PACRG: variants seen among roughly 807,000 people sequenced by gnomAD.
PACRG encodes parkin coregulated, also known as parkin coregulated gene protein.
PACRG carries 29 observed loss-of-function variants against 29.7 expected under a neutral mutation model. The ratio of observed to expected loss-of-function variants is 0.98; its 90% CI spans 0.73 to 1.33. PACRG has a LOEUF of 1.33. Ranked by LOEUF, PACRG falls within the 40% of genes most tolerant of loss-of-function variation. The probability of loss-of-function intolerance (pLI) is 0.00; values close to 1 mark genes in which losing one functional copy is unlikely to be tolerated. For missense variants in PACRG, 279 were observed against 316.2 expected, an observed-to-expected ratio of 0.88 and a Z score of 0.89; for synonymous variants, 116 against 118.7, an observed-to-expected ratio of 0.98 and a Z score of 0.15.
chr6:163,120,887 A>C (rs1454672007), intron 4 of PACRG, among the ~76,000 whole-genome samples: 1 of 152,164 alleles, frequency 6.6e-6, no homozygotes, highest in Non-Finnish European at 1.5e-5. Flanking sequence ...CAAGGGAACA[A>C]TGCCATACCT....
rs1455368309 is a variant in PACRG at position 162,853,002 on chromosome 6, G to A, written c.291+38721G>A. Among the ~76,000 whole-genome samples, 4 of 152,278 alleles carry A rather than the reference G, an allele frequency of 2.6e-5. No individual in the cohort carries two copies. The highest frequency in any genetic ancestry group is 5.9e-5 in the Non-Finnish European group (4 of 68,026). ...CACCGTCACCAACATGATTTCAAAC[G>A]GAGCCTGTGGCCTGGTGACCTGGGG... is the stretch of plus-strand genomic sequence containing the variant. On this transcript the variant is annotated intron_variant, in intron 2 of 4. Coordinates refer to ENST00000366888, the MANE Select transcript of PACRG (RefSeq NM_001080379.2). This position sits in a 1 kb window ranked among gnomAD's most constrained non-coding sequence, Gnocchi z 4.7.
intron 2 of PACRG, among the ~76,000 whole-genome samples, chr6:162,855,401 T>C (rs145792011): frequency 2.0e-5 from 3 of 152,314 alleles, no homozygotes; most frequent in African/African-American, 7.2e-5. Flanking sequence ...TCTTCTTTTT[T>C]GCGTATCAGA....
rs867178243 is a variant in PACRG, at chr6:162,841,346, T to G, written c.291+27065T>G. On this transcript the variant is annotated intron_variant, in intron 2 of 4. Transcript: ENST00000366888. ...TGGGAGAGTGTATGTGTCGAGGAAT[T>G]TATCCATTTCTTCTAGATTATCTAG... Among the ~76,000 whole-genome samples the G allele has an allele frequency of 8.5e-3, 1,282 of 151,614 alleles. 15 individuals carry two copies. The highest frequency in any genetic ancestry group is 0.054 in the Middle Eastern group (16 of 294).
At chr6:162,747,471 A>T (rs1470297897) in intron 1 of PACRG, among the ~76,000 whole-genome samples, 416 of 37,144 alleles carry the variant, frequency 0.011, 95 homozygotes, top group African/African-American at 0.024. Flanking sequence ...TATATATGTA[A>T]AACTATATAT....
chr6:163,249,885 CA>C (rs1473246363), intron 4 of PACRG, among the ~76,000 whole-genome samples: 1 of 152,152 alleles, frequency 6.6e-6, no homozygotes, highest in Non-Finnish European at 1.5e-5. Context: ...CCTTTGTTCT[CA>C]AAAGGGAAGT....
At chr6:163,246,720 C>T (rs915440548) in intron 4 of PACRG, among the ~76,000 whole-genome samples, 2 of 152,118 alleles carry the variant, frequency 1.3e-5, no homozygotes, top group African/African-American at 2.4e-5. Flanking sequence ...AACATTTACA[C>T]ATATTTATTT....
At position 163,005,147 on chromosome 6, in the gene PACRG, C is replaced by T. The variant is rs1308488906; in HGVS notation, c.292-57003C>T. Among the ~76,000 whole-genome samples the T allele has an allele frequency of 2.7e-4, 41 of 152,072 alleles. 1 individual carries two copies. The highest frequency in any genetic ancestry group is 2.7e-3 in the Admixed American group (41 of 15,272). ...TTTAATGTGGAATCTGTAGTGGTAT[C>T]ACCCCTCTCATTCCTCTAAGTGGTA... On this transcript the variant is annotated intron_variant, in intron 2 of 4. Transcript: ENST00000366888.
intron 4 of PACRG, among the ~76,000 whole-genome samples, chr6:163,289,502 A>G (rs771681914): frequency 6.6e-6 from 1 of 152,208 alleles, no homozygotes; most frequent in African/African-American, 2.4e-5. Flanking sequence ...ATTTTTTAAA[A>G]TACTTAAGAT....
intron 3 of PACRG, among the ~76,000 whole-genome samples, chr6:163,087,234 A>T (rs746135235): frequency 4.0e-5 from 6 of 151,362 alleles, no homozygotes; most frequent in Admixed American, 1.3e-4. Context: ...CAGAGAGAGA[A>T]GATGAGGATG....
intron 4 of PACRG, among the ~76,000 whole-genome samples, chr6:163,157,324 G>A (rs1033382068): frequency 2.6e-5 from 4 of 152,064 alleles, no homozygotes; most frequent in Non-Finnish European, 4.4e-5. Flanking sequence ...CTCAGCTCTC[G>A]TGATCATTCC....
chr6:162,880,606 T>G (rs1236728689), intron 2 of PACRG, among the ~76,000 whole-genome samples: 1 of 152,170 alleles, frequency 6.6e-6, no homozygotes, highest in Non-Finnish European at 1.5e-5. Context: ...CAGGCAACAC[T>G]AAGTTATATA....
rs145811183 is a variant in PACRG, at chr6:162,888,863, AG to A, written c.291+74583del. Among the ~76,000 whole-genome samples, 225 of 152,306 alleles carry A rather than the reference AG, an allele frequency of 1.5e-3. 2 individuals are homozygous for A. The East Asian group carries it at 0.019, about 13-fold the overall frequency. ...ACCCTTCCCTGAGGCAACCAGACCC[AG>A]CTGCTGCCCAAATAGGAAGGAAGGT... On this transcript the variant is annotated intron_variant, in intron 2 of 4. Transcript: ENST00000366888.
At chr6:162,928,426 G>C (rs1797608290) in intron 2 of PACRG, among the ~76,000 whole-genome samples, 1 of 150,942 alleles carries the variant, frequency 6.6e-6, no homozygotes, top group South Asian at 2.1e-4. Flanking sequence ...TCTAGCTAAT[G>C]GTTTTTTTCA....
chr6:163,203,390 C>T (rs1970908), intron 4 of PACRG, among the ~76,000 whole-genome samples: 3,532 of 152,096 alleles, frequency 0.023, 132 homozygotes, highest in African/African-American at 0.081. Flanking sequence ...TCCAGCCGGG[C>T]GACAGAGCGA....
chr6:163,237,790 C>T (rs903223011), intron 4 of PACRG, among the ~76,000 whole-genome samples: 3 of 152,172 alleles, frequency 2.0e-5, no homozygotes, highest in Admixed American at 6.6e-5. Context: ...ATGGCTCACA[C>T]TATTGAACTT....
At chr6:162,885,161 C>T (rs1371436407) in intron 2 of PACRG, among the ~76,000 whole-genome samples, 4 of 151,808 alleles carry the variant, frequency 2.6e-5, no homozygotes, top group African/African-American at 9.7e-5. Context: ...GCACAAAACA[C>T]TGCAGGGATT....
chr6:163,002,529 C>A (rs1804682775), intron 2 of PACRG, among the ~76,000 whole-genome samples: 2 of 152,120 alleles, frequency 1.3e-5, no homozygotes, highest in South Asian at 2.1e-4. Context: ...AGCAACTATA[C>A]CTTAATTATC....
At chr6:163,155,995 A>C (rs989376068) in intron 4 of PACRG, among the ~76,000 whole-genome samples, 3 of 152,166 alleles carry the variant, frequency 2.0e-5, no homozygotes, top group Non-Finnish European at 4.4e-5. Flanking sequence ...TGTCTCCTTC[A>C]AGAACTCTTC....
intron 2 of PACRG, among the ~76,000 whole-genome samples, chr6:162,882,103 C>A (rs1793932360): frequency 7.3e-6 from 1 of 136,680 alleles, no homozygotes; most frequent in Non-Finnish European, 1.6e-5. Flanking sequence ...GGGGGGCGCA[C>A]TCTCCACCAA....
Sources: gnomAD v4.1 joint callset for allele counts (sites outside exome capture counted in the v4.1 genomes callset) on GRCh38, gnomAD v4.1.1 for gene constraint, Gnocchi (gnomAD v3.1) non-coding constraint, MANE v1.5 for transcripts, NCBI Gene and HGNC (gene_info 2026-07-23, HGNC 2026-07-21) for gene names.